The following PRKN variants were observed in gnomAD, a reference collection of about 807,000 sequenced individuals.
PRKN encodes parkin RBR E3 ubiquitin protein ligase.
Under a neutral mutation model 59.5 loss-of-function variants are expected in PRKN, and 56 were observed. That is an observed-to-expected ratio of 0.94 (90% CI 0.76 to 1.18). The LOEUF is 1.18. Ranked by LOEUF, PRKN falls within the 50% of genes most tolerant of loss-of-function variation. PRKN has a pLI of 0.00. For missense variants in PRKN, 657 were observed against 596.4 expected, an observed-to-expected ratio of 1.10 and a Z score of -1.06; for synonymous variants, 250 against 222.1, an observed-to-expected ratio of 1.13 and a Z score of -1.12.
intron 7 of PRKN, among the ~76,000 whole-genome samples, chr6:161,609,625 C>A (rs1583287536): frequency 6.6e-6 from 1 of 152,202 alleles, no homozygotes; most frequent in South Asian, 2.1e-4. Flanking sequence ...TTGAGCTGGG[C>A]CTGAGATGAT....
chr6:161,566,586 T>C lies in PRKN; in HGVS notation c.933+2769A>G, dbSNP rs903813362. Among the ~76,000 whole-genome samples, 22 of 152,136 alleles carry C rather than the reference T, an allele frequency of 1.4e-4. No individual in the cohort carries two copies. The highest frequency in any genetic ancestry group is 3.1e-4 in the Non-Finnish European group (21 of 68,012). The stretch of plus-strand genomic sequence containing the variant: ...CACACCCAGCTAACTTCTGTATTTT[T>C]AGTAGAGACAGGGTTTCGCCATGTT... On this transcript the variant is annotated intron_variant, in intron 8 of 11. Coordinates refer to ENST00000366898, the MANE Select transcript of PRKN (RefSeq NM_004562.3). This position sits in a 1 kb window ranked among gnomAD's most constrained non-coding sequence, Gnocchi z 4.1.
intron 6 of PRKN, among the ~76,000 whole-genome samples, chr6:161,968,567 C>T (rs1456892280): frequency 6.6e-6 from 1 of 152,086 alleles, no homozygotes. Context: ...AAGGAGTACG[C>T]AGAAACTATA....
intron 6 of PRKN, among the ~76,000 whole-genome samples, chr6:161,969,967 C>T (rs1444683379): frequency 1.3e-5 from 2 of 152,134 alleles, no homozygotes; most frequent in East Asian, 3.9e-4. Context: ...CCTACAACAG[C>T]ATATCCCCAC....
At chr6:161,380,967 A>AC (rs1336008819) in intron 10 of PRKN, among the ~76,000 whole-genome samples, 21 of 151,218 alleles carry the variant, frequency 1.4e-4, no homozygotes, top group Admixed American at 5.9e-4. Flanking sequence ...GCCACAGACC[A>AC]CCCCCACCCG....
chr6:162,364,426 T>C lies in PRKN; in HGVS notation c.171+78884A>G, dbSNP rs548937822. On this transcript the variant is annotated intron_variant, in intron 2 of 11. Transcript: ENST00000366898. ...AAACAGAAGAAATTCCAAACTTTTCTTCCTTTTGACTATAACTACCCTGGG... is the reference window on the plus strand; with the variant it reads ...AAACAGAAGAAATTCCAAACTTTTCCTCCTTTTGACTATAACTACCCTGGG... 2.6e-5 allele frequency among the ~76,000 whole-genome samples: 4 copies of C among 152,258 alleles called. No individual in the cohort carries two copies. In the South Asian group the frequency reaches 8.3e-4, roughly 32 times the overall value.
At chr6:162,481,360 C>G (rs9365448) in intron 1 of PRKN, among the ~76,000 whole-genome samples, 46,443 of 151,968 alleles carry the variant, frequency 0.31, 7,434 homozygotes, top group East Asian at 0.49. Context: ...ATACTATTAG[C>G]TAATTATTCT....
chr6:161,999,774 A>G (rs1301912669), intron 5 of PRKN, among the ~76,000 whole-genome samples: 1 of 152,082 alleles, frequency 6.6e-6, no homozygotes, highest in Non-Finnish European at 1.5e-5. Context: ...ATTTCCGCAA[A>G]CAAGCTTTAG....
At chr6:162,559,782 A>G (rs1288730091) in intron 1 of PRKN, among the ~76,000 whole-genome samples, 2 of 152,218 alleles carry the variant, frequency 1.3e-5, no homozygotes, top group Non-Finnish European at 2.9e-5. Context: ...ATTCCTTACC[A>G]ATAAGCAACA....
chr6:161,383,074 G>C (rs1372500773), intron 10 of PRKN, among the ~76,000 whole-genome samples: 1 of 152,162 alleles, frequency 6.6e-6, no homozygotes, highest in Non-Finnish European at 1.5e-5. Context: ...TAAAGCCTTC[G>C]GTTCCAAGGG....
intron 2 of PRKN, among the ~76,000 whole-genome samples, chr6:162,433,626 C>T (rs9356016): frequency 0.56 from 84,755 of 151,926 alleles, 24,758 homozygotes; most frequent in African/African-American, 0.72. Flanking sequence ...GTTAATTAAC[C>T]ACTTTAGCAG....
intron 5 of PRKN, among the ~76,000 whole-genome samples, chr6:162,031,003 A>G (rs884193): frequency 0.12 from 17,640 of 152,194 alleles, 1,362 homozygotes; most frequent in African/African-American, 0.23. Flanking sequence ...AAGAAACTAT[A>G]GCGCATTTCC....
chr6:162,727,711 T>G lies in PRKN; in HGVS notation c.-43A>C, dbSNP rs576793884. 1.3e-6 allele frequency: 2 copies of G among 1,555,762 alleles called. No individual in the cohort carries two copies. Among genetic ancestry groups the G allele is most frequent in the Non-Finnish European group, 8.7e-7 (1 of 1,150,140 alleles). ...CGGCTGCGGGCCAGGAACAGGCCCA[T>G]GCGCGCAGCGGCGCCAGCCGCGCCT... On this transcript the variant is annotated 5_prime_UTR_variant, in exon 1 of 12. An upstream start codon of the reference 5' UTR is lost. Transcript: ENST00000366898.
intron 9 of PRKN, among the ~76,000 whole-genome samples, chr6:161,517,703 G>A (rs1364919175): frequency 8.5e-6 from 1 of 117,586 alleles, no homozygotes; most frequent in Non-Finnish European, 1.6e-5. Context: ...TCGCGTCACT[G>A]CACTCCAGCC....
At chr6:162,673,239 G>T (rs936158773) in intron 1 of PRKN, among the ~76,000 whole-genome samples, 1 of 152,114 alleles carries the variant, frequency 6.6e-6, no homozygotes, top group Non-Finnish European at 1.5e-5. Flanking sequence ...AGGCAGAAAC[G>T]GTGTGTAGCT....
intron 4 of PRKN, among the ~76,000 whole-genome samples, chr6:162,171,851 T>C (rs1466197159): frequency 1.3e-5 from 2 of 152,218 alleles, no homozygotes; most frequent in Non-Finnish European, 2.9e-5. Flanking sequence ...CCTAGGAGGA[T>C]ACGGACTTGC....
intron 1 of PRKN, among the ~76,000 whole-genome samples, chr6:162,580,595 C>T (rs529510919): frequency 1.1e-3 from 166 of 152,064 alleles, no homozygotes; most frequent in African/African-American, 3.9e-3. Flanking sequence ...GTACGATGCC[C>T]CCCAGCAAGT....
chr6:161,839,995 G>A (rs769845150), intron 6 of PRKN, among the ~76,000 whole-genome samples: 6 of 152,306 alleles, frequency 3.9e-5, no homozygotes, highest in East Asian at 1.9e-4. Flanking sequence ...AGAGGCACTC[G>A]CCCATCTCAG....
At chr6:161,722,725 ATGG>A (rs367721535) in intron 7 of PRKN, among the ~76,000 whole-genome samples, 263 of 152,332 alleles carry the variant, frequency 1.7e-3, no homozygotes, top group East Asian at 7.3e-3. Context: ...TGAGATAAAA[ATGG>A]TGTTTTATTC....
chr6:161,716,821 G>A (rs1316665275), intron 7 of PRKN, among the ~76,000 whole-genome samples: 1 of 152,202 alleles, frequency 6.6e-6, no homozygotes, highest in Non-Finnish European at 1.5e-5. Flanking sequence ...AGAGCAGAAT[G>A]TGATGAGAGA....
Sources: allele counts gnomAD v4.1 joint callset (sites outside exome capture counted in the v4.1 genomes callset), GRCh38; gene constraint gnomAD v4.1.1; non-coding constraint Gnocchi (gnomAD v3.1); transcripts MANE v1.5; gene names NCBI Gene and HGNC (gene_info 2026-07-23, HGNC 2026-07-21).